The following COG4 variants were observed in gnomAD, a reference collection of about 807,000 sequenced individuals.
The protein encoded by COG4 is conserved oligomeric Golgi complex subunit 4.
A neutral mutation model predicts 95.1 loss-of-function variants in COG4; 65 were observed. That is an observed-to-expected ratio of 0.68 (90% CI 0.56 to 0.84). COG4 has a LOEUF of 0.84. Among genes scored for constraint, COG4 ranks in the 40% least tolerant of loss-of-function variants. COG4 has a pLI of 0.00. For missense variants in COG4, 1,045 were observed against 989.1 expected (o/e 1.06, Z -0.76); for synonymous variants, 421 against 374.8 (o/e 1.12, Z -1.42).
Position 70,481,696 on chromosome 16 carries a change from G to C in COG4, c.2106+68C>G, listed in dbSNP as rs555985478. 29 of 1,420,546 alleles carry C rather than the reference G, an allele frequency of 2.0e-5. No homozygotes were observed. The East Asian group carries it at 3.2e-4, about 16-fold the overall frequency. The allele number at this position is 1,420,546 out of a possible 1,614,324, so 88.0% of individuals were successfully genotyped here. A position where few individuals can be genotyped will look rare whatever the true frequency, so the allele number is the denominator to read the frequency against. On this transcript the variant is annotated intron_variant, in intron 17 of 18. Coordinates refer to ENST00000323786, the MANE Select transcript of COG4 (RefSeq NM_015386.3). ...GACAGAGGGGATGCAAGTCCTGGGG[G>C]TGGTGGCATGACATGTCTTCCTCAG...
At chr16:70,515,878 G>T in intron 3 of COG4, 1 of 397,090 alleles carries the variant, frequency 2.5e-6, no homozygotes, top group Non-Finnish European at 5.0e-6. Context: ...TGTGTTCCAA[G>T]GTTTGGTCTC....
chr16:70,482,910 C>A, intron 14 of COG4, 89 bp from the exon 15 acceptor site: 1 of 964,686 alleles, frequency 1.0e-6, no homozygotes, highest in South Asian at 1.3e-5. Context: ...CCTCTATCCT[C>A]TCCCCATCCC....
chr16:70,499,716 G>A (rs1007265546), intron 9 of COG4, among the ~76,000 whole-genome samples: 6 of 152,148 alleles, frequency 3.9e-5, no homozygotes, highest in African/African-American at 1.4e-4. Flanking sequence ...CTGGAGTGCA[G>A]TGGCGCGATC....
chr16:70,507,896 C>T (rs866682358), intron 8 of COG4, among the ~76,000 whole-genome samples: 64 of 151,546 alleles, frequency 4.2e-4, no homozygotes, highest in African/African-American at 6.5e-4. Flanking sequence ...CATTAAATGA[C>T]ACGTGATTGT....
Position 70,480,812 on chromosome 16 carries a change from G to C in COG4, c.*198C>G. The C allele has an allele frequency of 3.3e-6, 2 of 601,466 alleles. No homozygotes were observed. The highest frequency in any genetic ancestry group is 2.1e-5 in the South Asian group (1 of 48,252). The allele number at this position is 601,466 out of a possible 1,614,324, so 37.3% of individuals were successfully genotyped here. ...CCGCTTCTCTCGGTGGGGAGATGCT[G>C]CCCCCAGAGCATCACCTGGCCAGGT... On this transcript the variant is annotated 3_prime_UTR_variant, in exon 19 of 19. Transcript: ENST00000323786.
chr16:70,496,195 C>T (rs1187189375), intron 12 of COG4, 71 bp downstream of exon 12: 8 of 1,533,522 alleles, frequency 5.2e-6, no homozygotes, highest in Non-Finnish European at 6.3e-6. Flanking sequence ...GCCAATTATA[C>T]TGTGGCTTAG....
chr16:70,491,824 CAAAAAA>C (rs772831502), intron 12 of COG4, among the ~76,000 whole-genome samples: 2 of 59,344 alleles, frequency 3.4e-5, no homozygotes, highest in African/African-American at 8.6e-5. Context: ...AACTACGTCT[CAAAAAA>C]AAAAAAAAAA....
intron 13 of COG4, among the ~76,000 whole-genome samples, chr16:70,486,497 G>A (rs1180645485): frequency 3.3e-5 from 5 of 152,188 alleles, no homozygotes; most frequent in South Asian, 2.1e-4. Context: ...TCAAAGGGCT[G>A]CTGATGGGGC....
In COG4 at chr16:70,514,480, A is replaced by T; in HGVS notation, c.399T>A (p.Ala133=). 6.2e-7 allele frequency: 1 copy of T among 1,614,150 alleles called. No homozygotes were observed. Among genetic ancestry groups the T allele is most frequent in the Non-Finnish European group, 8.5e-7 (1 of 1,180,002 alleles). The change falls in exon 4 of 19, where the codon GCT becomes GCA. Residue 133 remains alanine (A), a synonymous_variant. Coordinates refer to ENST00000323786, the MANE Select transcript of COG4 (RefSeq NM_015386.3). ...KNRLYQAIQR[A]DDILDLKFCM... ...AGAACTTCAGGTCCAAGATGTCATC[A>T]GCTCTCTGAATGGCCTGATAGAGGC...
At position 70,523,463 on chromosome 16, in the gene COG4, G is replaced by A; in HGVS notation, c.81C>T (p.Gly27=). ...GCTCAGCGGAGATTTCGGAGCAGCGGCCACCTCCCACCCCCTCAGACGGCT... is the reference window on the plus strand; with the variant it reads ...GCTCAGCGGAGATTTCGGAGCAGCGACCACCTCCCACCCCCTCAGACGGCT... The part of the protein sequence containing the change: ...VQQPSEGVGG[G]RCSEISAELI... Residue 27 remains glycine, a synonymous_variant, in exon 1 of 19, where the codon GGC becomes GGT. Coordinates refer to ENST00000323786, the MANE Select transcript of COG4 (RefSeq NM_015386.3). 3 of 1,614,062 alleles carry A rather than the reference G, an allele frequency of 1.9e-6. No homozygotes were observed. Among genetic ancestry groups the A allele is most frequent in the Non-Finnish European group, 2.5e-6 (3 of 1,180,020 alleles).
Position 70,508,257 on chromosome 16 carries a change from T to G in COG4, c.1061+149A>C, listed in dbSNP as rs7191191. The G allele has an allele frequency of 0.038, 27,784 of 735,154 alleles. 5,048 individuals are homozygous for G. In the African/African-American group the frequency reaches 0.41, roughly 11 times the overall value. The allele number at this position is 735,154 out of a possible 1,614,324, so 45.5% of individuals were successfully genotyped here. A position where few individuals can be genotyped will look rare whatever the true frequency, so the allele number is the denominator to read the frequency against. Reference sequence around the variant, plus strand: ...TACACAATTTATTTATATATACTTTTGTTCATATGATACATTGCACTGAAA... The same window carrying G: ...TACACAATTTATTTATATATACTTTGGTTCATATGATACATTGCACTGAAA... On this transcript the variant is annotated intron_variant, in intron 8 of 18. Coordinates refer to ENST00000323786, the MANE Select transcript of COG4 (RefSeq NM_015386.3).
At chr16:70,498,249 C>T (rs918772685) in intron 9 of COG4, among the ~76,000 whole-genome samples, 194 bp from the exon 10 acceptor site, 1 of 151,818 alleles carries the variant, frequency 6.6e-6, no homozygotes, top group African/African-American at 2.4e-5. Context: ...TCCATGTTTT[C>T]ACCTACCTTA....
At chr16:70,492,543 C>G (rs939035596) in intron 12 of COG4, among the ~76,000 whole-genome samples, 4 of 151,892 alleles carry the variant, frequency 2.6e-5, no homozygotes, top group Admixed American at 6.6e-5. Flanking sequence ...TGCCTGTAAT[C>G]CCAGCTACTT....
At chr16:70,483,731 G>A in intron 14 of COG4, 122 bp downstream of exon 14, 1 of 812,198 alleles carries the variant, frequency 1.2e-6, no homozygotes, top group South Asian at 1.3e-5. Context: ...CAGGCTCCAG[G>A]GCTTGCGTGC....
chr16:70,481,915 T>G (rs1376241782), intron 16 of COG4, 50 bp from the exon 17 acceptor site: 12 of 1,525,298 alleles, frequency 7.9e-6, no homozygotes, highest in South Asian at 1.1e-5. Flanking sequence ...CTCCTCTGCC[T>G]CTATGCTGGA....
chr16:70,512,700 C>T (rs1457898902), intron 4 of COG4, among the ~76,000 whole-genome samples: 1 of 152,166 alleles, frequency 6.6e-6, no homozygotes, highest in Non-Finnish European at 1.5e-5. Context: ...GTGCCAAAGT[C>T]CGGGCACGGT....
At chr16:70,510,767 C>CTTTT (rs766994398) in intron 5 of COG4, among the ~76,000 whole-genome samples, 1 of 140,972 alleles carries the variant, frequency 7.1e-6, no homozygotes, top group Non-Finnish European at 1.6e-5. Context: ...AGCAGGTTTC[C>CTTTT]TTTTTTTTTT....
Position 70,490,429 on chromosome 16 carries a change from G to A in COG4, c.1648-37C>T, listed in dbSNP as rs558972135. The stretch of plus-strand genomic sequence containing the variant: ...GGAAGGAAGAACGTGACTTCCTGCT[G>A]ACTGTGCCTGCCACCCACTCCAATG... On this transcript the variant is annotated intron_variant, in intron 12 of 18. Coordinates refer to ENST00000323786, the MANE Select transcript of COG4 (RefSeq NM_015386.3). 7 of 1,559,954 alleles carry A rather than the reference G, an allele frequency of 4.5e-6. No homozygotes were observed. The East Asian group carries it at 1.6e-4, about 35-fold the overall frequency.
At chr16:70,521,033 G>A (rs968264347) in intron 1 of COG4, among the ~76,000 whole-genome samples, 6 of 152,064 alleles carry the variant, frequency 3.9e-5, no homozygotes, top group African/African-American at 1.4e-4. Flanking sequence ...GACTATAGGC[G>A]TGCACAACCC....
Sources: allele counts gnomAD v4.1 joint callset (sites outside exome capture counted in the v4.1 genomes callset), GRCh38; gene constraint gnomAD v4.1.1; transcripts MANE v1.5; gene names NCBI Gene and HGNC (gene_info 2026-07-23, HGNC 2026-07-21).